The following ANGPT2 variants were observed in gnomAD, a reference collection of about 807,000 sequenced individuals.
ANGPT2 encodes the protein angiopoietin 2.
In ANGPT2, 28 loss-of-function variants were observed where a neutral mutation model predicts 62.9. The ratio of observed to expected loss-of-function variants is 0.44; its 90% CI spans 0.33 to 0.61. The LOEUF is 0.61. Among genes scored for constraint, ANGPT2 ranks in the 20% least tolerant of loss-of-function variants. The pLI is 0.03. For missense variants in ANGPT2, 727 were observed against 594.9 expected (o/e 1.22, Z -2.31); for synonymous variants, 284 against 207.8 (o/e 1.37, Z -3.15).
chr8:6,529,881 C>CAT (rs1819126618), intron 2 of ANGPT2, among the ~76,000 whole-genome samples: 1 of 104,996 alleles, frequency 9.5e-6, no homozygotes, highest in Admixed American at 1.1e-4. Flanking sequence ...TCACAATAGG[C>CAT]GTTTTTTTTT....
chr8:6,504,660 TAAG>T (rs1273869321), intron 8 of ANGPT2, among the ~76,000 whole-genome samples: 6 of 152,118 alleles, frequency 3.9e-5, no homozygotes, highest in Admixed American at 6.6e-5. Context: ...CCTGACTTAA[TAAG>T]GAGAGAAAAA....
intron 2 of ANGPT2, among the ~76,000 whole-genome samples, chr8:6,531,155 G>A (rs976900752): frequency 2.6e-5 from 4 of 151,962 alleles, no homozygotes; most frequent in African/African-American, 9.7e-5. Flanking sequence ...ACTGCTAATA[G>A]CAGCTTTTCC....
chr8:6,540,180 A>G (rs1032347201), intron 1 of ANGPT2, among the ~76,000 whole-genome samples: 1 of 152,086 alleles, frequency 6.6e-6, no homozygotes, highest in Non-Finnish European at 1.5e-5. Context: ...TCTTTGCATT[A>G]ATTTTTTTCA....
intron 1 of ANGPT2, among the ~76,000 whole-genome samples, chr8:6,544,590 G>T (rs867838658): frequency 6.6e-6 from 1 of 151,976 alleles, no homozygotes; most frequent in African/African-American, 2.4e-5. Flanking sequence ...ATGTATTGGA[G>T]GGGGAGAGGG....
chr8:6,562,225 T>C (rs1038881600), intron 1 of ANGPT2, among the ~76,000 whole-genome samples: 2 of 152,222 alleles, frequency 1.3e-5, no homozygotes, highest in African/African-American at 4.8e-5. Context: ...TCACGGTCTC[T>C]CTGGCTCACG....
intron 1 of ANGPT2, among the ~76,000 whole-genome samples, chr8:6,555,563 A>G (rs1371364494): frequency 6.6e-6 from 1 of 151,572 alleles, no homozygotes; most frequent in Non-Finnish European, 1.5e-5. Context: ...CTGGGTTCAA[A>G]TGATCCACCC....
At chr8:6,514,583 G>T in intron 6 of ANGPT2, 94 bp downstream of exon 6, 1 of 1,077,370 alleles carries the variant, frequency 9.3e-7, no homozygotes, top group Non-Finnish European at 1.4e-6. Context: ...AAAGTCATTG[G>T]TTAGTTTGGG....
At chr8:6,517,422 A>C (rs1006009444) in intron 5 of ANGPT2, among the ~76,000 whole-genome samples, 2 of 152,258 alleles carry the variant, frequency 1.3e-5, no homozygotes, top group African/African-American at 4.8e-5. Context: ...ATGACCATAC[A>C]TGCTTTTGAT....
At chr8:6,557,514 G>C (rs1413762240) in intron 1 of ANGPT2, among the ~76,000 whole-genome samples, 1 of 152,210 alleles carries the variant, frequency 6.6e-6, no homozygotes, top group East Asian at 1.9e-4. Context: ...CTCATTGTTA[G>C]GTTCCTTCAA....
rs984353527 is a variant in ANGPT2 at position 6,505,664 on chromosome 8, AATAT to A, written c.1328-2407_1328-2404del. 1.1e-4 allele frequency among the ~76,000 whole-genome samples: 14 copies of A among 130,160 alleles called. 1 individual carries two copies. Among genetic ancestry groups the A allele is most frequent in the African/African-American group, 4.0e-4 (14 of 35,354 alleles). The allele number at this position is 130,160 out of a possible 152,430, so 85.4% of individuals were successfully genotyped here. A position where few individuals can be genotyped will look rare whatever the true frequency, so the allele number is the denominator to read the frequency against. On this transcript the variant is annotated intron_variant, in intron 8 of 8. Coordinates refer to ENST00000629816, the MANE Select transcript of ANGPT2 (RefSeq NM_001118887.2). ...ATTCTTTATATCTATTTATATATAG[AATAT>A]ATATACTTTACATATATAGAATATA...
intron 2 of ANGPT2, among the ~76,000 whole-genome samples, chr8:6,529,133 C>G (rs947840510): frequency 2.0e-5 from 3 of 152,182 alleles, no homozygotes; most frequent in Admixed American, 6.5e-5. Flanking sequence ...TAATTGTAAC[C>G]ATTTTCACAT....
chr8:6,500,744 CTGTT>C lies in ANGPT2; in HGVS notation c.*2353_*2356del, dbSNP rs1563295172. The C allele has an allele frequency of 3.3e-5, 5 of 152,184 alleles. No individual in the cohort carries two copies. The highest frequency in any genetic ancestry group is 7.2e-5 in the African/African-American group (3 of 41,456). 9.4% of individuals were successfully genotyped at this position (152,184 alleles called of 1,614,324 possible). A position where few individuals can be genotyped will look rare whatever the true frequency, so the allele number is the denominator to read the frequency against. The stretch of plus-strand genomic sequence containing the variant: ...GAGACAAAAGCTCCTCTCAGCAAAA[CTGTT>C]TGTTTGAAATACCGTGTAAGGAATT... On this transcript the variant is annotated 3_prime_UTR_variant, in exon 9 of 9. Coordinates refer to ENST00000629816, the MANE Select transcript of ANGPT2 (RefSeq NM_001118887.2).
At chr8:6,559,269 T>C (rs969120931) in intron 1 of ANGPT2, among the ~76,000 whole-genome samples, 17 of 81,504 alleles carry the variant, frequency 2.1e-4, no homozygotes, top group African/African-American at 4.2e-4. Context: ...ACAGAGTCCC[T>C]AGCAAGGGCA....
intron 1 of ANGPT2, among the ~76,000 whole-genome samples, chr8:6,549,137 T>C (rs955705404): frequency 3.3e-5 from 5 of 152,204 alleles, no homozygotes; most frequent in Non-Finnish European, 7.3e-5. Context: ...ATTTCAGAGA[T>C]AGCAGTACAA....
At chr8:6,543,152 G>C (rs1421999248) in intron 1 of ANGPT2, among the ~76,000 whole-genome samples, 1 of 151,450 alleles carries the variant, frequency 6.6e-6, no homozygotes, top group Admixed American at 6.6e-5. Context: ...CTTTCTGCTA[G>C]CACCCAAAAA....
At position 6,562,738 on chromosome 8, in the gene ANGPT2, T is replaced by C. The variant is rs1373098703; in HGVS notation, c.197A>G (p.Gln66Arg). The change falls in exon 1 of 9, where the codon CAG (glutamine) becomes CGG (arginine). Residue 66 changes from glutamine (Q) to arginine (R), a missense_variant. Coordinates refer to ENST00000629816, the MANE Select transcript of ANGPT2 (RefSeq NM_001118887.2). ...SSSPYVSNAV[Q>R]RDAPLEYDDS... ...ATCGTATTCGAGCGGCGCGTCCCTC[T>C]GCACAGCATTGGACACGTAGGGGCT... 1 of 1,613,844 alleles carries C rather than the reference T, an allele frequency of 6.2e-7. No individual in the cohort carries two copies. The highest frequency in any genetic ancestry group is 8.5e-7 in the Non-Finnish European group (1 of 1,180,004).
chr8:6,527,698 T>A, intron 2 of ANGPT2, 22 bp from the exon 3 acceptor site: 1 of 1,576,398 alleles, frequency 6.3e-7, no homozygotes, highest in Non-Finnish European at 8.6e-7. Context: ...AAAATGAAGT[T>A]CCTATTAATT....
chr8:6,506,064 T>C (rs1205153594), intron 8 of ANGPT2, among the ~76,000 whole-genome samples: 2 of 149,938 alleles, frequency 1.3e-5, no homozygotes, highest in Non-Finnish European at 3.0e-5. Flanking sequence ...ATGTTGTGTT[T>C]ATACATTGGT....
rs111398841 is a variant in ANGPT2, at chr8:6,563,139, T to C, written c.-205A>G. On this transcript the variant is annotated 5_prime_UTR_variant, in exon 1 of 9. Transcript: ENST00000629816. Reference sequence around the variant, plus strand: ...TCCAGGCATGCAGTAAACTGTCAGATTGCAGTGGGAAGAACAGTCCTGCTC... The same window carrying C: ...TCCAGGCATGCAGTAAACTGTCAGACTGCAGTGGGAAGAACAGTCCTGCTC... The C allele has an allele frequency of 1.4e-3, 701 of 502,396 alleles. 6 individuals are homozygous for C. The highest frequency in any genetic ancestry group is 0.011 in the African/African-American group (568 of 52,524). 31.1% of individuals were successfully genotyped at this position (502,396 alleles called of 1,614,324 possible).
Sources: allele counts gnomAD v4.1 joint callset (sites outside exome capture counted in the v4.1 genomes callset), GRCh38; gene constraint gnomAD v4.1.1; transcripts MANE v1.5; gene names NCBI Gene and HGNC (gene_info 2026-07-23, HGNC 2026-07-21).